ADAMTS19: variants seen among roughly 807,000 people sequenced by gnomAD.
ADAMTS19 encodes the protein A disintegrin and metalloproteinase with thrombospondin motifs 19.
Under a neutral mutation model 153.3 loss-of-function variants are expected in ADAMTS19, and 93 were observed. That is an observed-to-expected ratio of 0.61 (90% CI 0.51 to 0.72). The LOEUF is 0.72. Among genes scored for constraint, ADAMTS19 ranks in the 30% least tolerant of loss-of-function variants. The pLI is 0.00. For synonymous variants in ADAMTS19, 600 were observed against 556.6 expected, an observed-to-expected ratio of 1.08 and a Z score of -1.10; for missense variants, 1,482 against 1,552.1, an observed-to-expected ratio of 0.95 and a Z score of 0.76.
chr5:129,576,861 T>A (rs1379268806), intron 7 of ADAMTS19, among the ~76,000 whole-genome samples: 1 of 152,130 alleles, frequency 6.6e-6, no homozygotes, highest in Non-Finnish European at 1.5e-5. Context: ...TACACCACAA[T>A]TTTTTATCTT....
At chr5:129,577,965 T>C (rs1349197110) in intron 7 of ADAMTS19, among the ~76,000 whole-genome samples, 1 of 151,078 alleles carries the variant, frequency 6.6e-6, no homozygotes, top group Non-Finnish European at 1.5e-5. Context: ...TTTACTTCCT[T>C]TTATTTTTTT....
chr5:129,494,911 G>A lies in ADAMTS19; in HGVS notation c.748-14166G>A, dbSNP rs368514197. Among the ~76,000 whole-genome samples, 5 of 152,100 alleles carry A rather than the reference G, an allele frequency of 3.3e-5. No homozygotes were observed. In the East Asian group the frequency reaches 5.8e-4, roughly 18 times the overall value. ...CCAGTCATTTTCATTGCAACATTTG[G>A]CAAAGCATATGTAGTGAGAGTAAAA... is the stretch of plus-strand genomic sequence containing the variant. On this transcript the variant is annotated intron_variant, in intron 2 of 22. Transcript: ENST00000274487.
intron 22 of ADAMTS19, among the ~76,000 whole-genome samples, chr5:129,735,646 A>G (rs553730235): frequency 6.6e-6 from 1 of 152,202 alleles, no homozygotes; most frequent in Non-Finnish European, 1.5e-5. Flanking sequence ...ACATTCTAGT[A>G]ATATTGACTA....
At chr5:129,671,740 A>G (rs768902259) in intron 16 of ADAMTS19, among the ~76,000 whole-genome samples, 2 of 152,098 alleles carry the variant, frequency 1.3e-5, no homozygotes, top group African/African-American at 2.4e-5. Flanking sequence ...TCTTGTTCGT[A>G]ATTTATCAAA....
At chr5:129,486,799 G>C (rs1030805884) in intron 2 of ADAMTS19, among the ~76,000 whole-genome samples, 1 of 152,038 alleles carries the variant, frequency 6.6e-6, no homozygotes, top group African/African-American at 2.4e-5. Flanking sequence ...ATCAGAAGCA[G>C]GAGGATAAGA....
intron 11 of ADAMTS19, among the ~76,000 whole-genome samples, chr5:129,644,979 C>T (rs1752993639): frequency 6.6e-6 from 1 of 152,162 alleles, no homozygotes; most frequent in African/African-American, 2.4e-5. Context: ...CCTCTTCTCT[C>T]TTCCACAATA....
intron 7 of ADAMTS19, among the ~76,000 whole-genome samples, chr5:129,595,840 G>A (rs776564942): frequency 2.6e-5 from 4 of 151,940 alleles, no homozygotes; most frequent in South Asian, 2.1e-4. Flanking sequence ...TCAAGTATAT[G>A]TCTTCATTAG....
intron 7 of ADAMTS19, among the ~76,000 whole-genome samples, chr5:129,589,685 A>G (rs1030888955): frequency 6.6e-6 from 1 of 152,090 alleles, no homozygotes; most frequent in African/African-American, 2.4e-5. Flanking sequence ...ATGTTAAAAA[A>G]GTATTTATTT....
In ADAMTS19 at chr5:129,737,337, TA is replaced by T. The variant is rs1215558695; in HGVS notation, c.*120del. 15 of 1,130,322 alleles carry T rather than the reference TA, an allele frequency of 1.3e-5. No homozygotes were observed. In the East Asian group the frequency reaches 3.4e-4, roughly 25 times the overall value. The allele number at this position is 1,130,322 out of a possible 1,614,324, so 70.0% of individuals were successfully genotyped here. On this transcript the variant is annotated 3_prime_UTR_variant, in exon 23 of 23. Transcript: ENST00000274487. The stretch of plus-strand genomic sequence containing the variant: ...TACATATAATTTAATCAAATTAATT[TA>T]TTTTTTTGCCTGCCAAACATCCAAT...
intron 2 of ADAMTS19, among the ~76,000 whole-genome samples, chr5:129,462,272 A>G (rs897681875): frequency 4.6e-5 from 7 of 152,212 alleles, no homozygotes; most frequent in African/African-American, 1.7e-4. Flanking sequence ...ATTTAAACAC[A>G]TCCAGAGTCA....
intron 2 of ADAMTS19, among the ~76,000 whole-genome samples, chr5:129,469,885 G>A (rs1376843347): frequency 6.6e-6 from 1 of 152,090 alleles, no homozygotes; most frequent in Non-Finnish European, 1.5e-5. Context: ...CATTAGAGTG[G>A]CATGGATAAT....
intron 21 of ADAMTS19, among the ~76,000 whole-genome samples, chr5:129,719,909 C>A (rs1756906303): frequency 6.6e-6 from 1 of 151,882 alleles, no homozygotes; most frequent in Non-Finnish European, 1.5e-5. Context: ...GGCATGGTGG[C>A]AGCACCTGAA....
intron 13 of ADAMTS19, among the ~76,000 whole-genome samples, chr5:129,652,124 A>G (rs2127050468): frequency 6.6e-6 from 1 of 152,338 alleles, no homozygotes; most frequent in Non-Finnish European, 1.5e-5. Context: ...AAAGTGATGT[A>G]TATCATCAAA....
At chr5:129,553,033 TTTC>T in intron 7 of ADAMTS19, among the ~76,000 whole-genome samples, 1 of 152,202 alleles carries the variant, frequency 6.6e-6, no homozygotes, top group African/African-American at 2.4e-5. Flanking sequence ...TTCCCCCAGT[TTTC>T]TTCTTTTCCT....
chr5:129,461,280 C>T lies in ADAMTS19; in HGVS notation c.270C>T (p.Arg90=). Residue 90 remains arginine, a synonymous_variant, in exon 2 of 23, where the codon CGC becomes CGT. Transcript: ENST00000274487. The surrounding 1 kb of genome is among the most constrained non-coding windows in gnomAD (Gnocchi z 4.6). ...AQAAGSSREV[R]SVAPVPLEEP... ...CTGCCGGCAGCTCACGCGAGGTGCG[C>T]TCTGTGGCTCCGGTGCCTTTGGAGG... 2 of 1,281,562 alleles carry T rather than the reference C, an allele frequency of 1.6e-6. No homozygotes were observed. The highest frequency in any genetic ancestry group is 2.9e-5 in the South Asian group (1 of 34,210). The allele number at this position is 1,281,562 out of a possible 1,614,324, so 79.4% of individuals were successfully genotyped here. A position where few individuals can be genotyped will look rare whatever the true frequency, so the allele number is the denominator to read the frequency against.
At chr5:129,670,877 T>C (rs1410592480) in intron 16 of ADAMTS19, among the ~76,000 whole-genome samples, 1 of 152,154 alleles carries the variant, frequency 6.6e-6, no homozygotes, top group Non-Finnish European at 1.5e-5. Flanking sequence ...TCTTTGTTTT[T>C]AAAAGACCAC....
chr5:129,664,217 C>T (rs900158389), intron 15 of ADAMTS19, among the ~76,000 whole-genome samples: 2 of 152,058 alleles, frequency 1.3e-5, no homozygotes, highest in Non-Finnish European at 2.9e-5. Context: ...TGCATATTAC[C>T]TTTTTAACAT....
chr5:129,530,838 A>G (rs1752175777), intron 6 of ADAMTS19, among the ~76,000 whole-genome samples: 1 of 152,064 alleles, frequency 6.6e-6, no homozygotes, highest in Non-Finnish European at 1.5e-5. Context: ...AAGGAAAAGC[A>G]TACATATTTG....
At chr5:129,506,051 A>G (rs548480798) in intron 2 of ADAMTS19, among the ~76,000 whole-genome samples, 1 of 152,200 alleles carries the variant, frequency 6.6e-6, no homozygotes, top group Admixed American at 6.6e-5. Context: ...CTTGTGCAGA[A>G]AGGTTAATAT....
Sources: allele counts gnomAD v4.1 joint callset (sites outside exome capture counted in the v4.1 genomes callset), GRCh38; gene constraint gnomAD v4.1.1; non-coding constraint Gnocchi (gnomAD v3.1); transcripts MANE v1.5; gene names NCBI Gene and HGNC (gene_info 2026-07-23, HGNC 2026-07-21).